The following NAA16 variants were observed in gnomAD, a reference collection of about 807,000 sequenced individuals.
NAA16 encodes the protein N-alpha-acetyltransferase 16, NatA auxiliary subunit.
In NAA16, 97 loss-of-function variants were observed where a neutral mutation model predicts 110.3. That is an observed-to-expected ratio of 0.88 (90% CI 0.75 to 1.04). The LOEUF is 1.04. NAA16 is among the 50% of genes least tolerant of loss of function. The pLI is 0.00. For missense variants in NAA16, 1,017 were observed against 1,005.1 expected, an observed-to-expected ratio of 1.01 and a Z score of -0.16; for synonymous variants, 372 against 330.6, an observed-to-expected ratio of 1.13 and a Z score of -1.36.
At chr13:41,366,000 A>G (rs1053504224) in intron 13 of NAA16, among the ~76,000 whole-genome samples, 1 of 152,176 alleles carries the variant, frequency 6.6e-6, no homozygotes, top group East Asian at 1.9e-4. Context: ...TTGAATTTTT[A>G]AAATATTCTT....
chr13:41,369,660 G>T (rs1364130696), intron 15 of NAA16, among the ~76,000 whole-genome samples: 1 of 152,164 alleles, frequency 6.6e-6, no homozygotes, highest in African/African-American at 2.4e-5. Context: ...GTCAAAAGGG[G>T]CCTTAAAAGT....
At chr13:41,341,738 C>T in intron 9 of NAA16, among the ~76,000 whole-genome samples, 1 of 152,120 alleles carries the variant, frequency 6.6e-6, no homozygotes, top group East Asian at 1.9e-4. Context: ...AAGAACATCT[C>T]CTACTTTTAG....
chr13:41,328,920 G>A (rs2042163229), intron 7 of NAA16, 77 bp downstream of exon 7: 17 of 1,268,522 alleles, frequency 1.3e-5, no homozygotes, highest in African/African-American at 3.0e-5. Flanking sequence ...AATAATACTT[G>A]GGAACAAATA....
In NAA16 at chr13:41,318,907, G is replaced by GT. The variant is rs2041876141; in HGVS notation, c.242dup (p.Cys82LeufsTer12). On this transcript the variant is annotated frameshift_variant, in exon 3 of 20. Transcript: ENST00000379406. LOFTEE classifies it high-confidence loss of function. ...ACTTCGTAATGATGTCAAGAGTCAT[G>GT]TCTGTATCCTTTTGCAGTAGTTAAA... The GT allele has an allele frequency of 4.5e-6, 7 of 1,558,268 alleles. No individual in the cohort carries two copies. Among genetic ancestry groups the GT allele is most frequent in the Non-Finnish European group, 6.1e-6 (7 of 1,149,860 alleles).
chr13:41,317,384 T>C lies in NAA16; in HGVS notation c.139+454T>C, dbSNP rs528818787. On this transcript the variant is annotated intron_variant, in intron 2 of 19. Transcript: ENST00000379406. ...GACGTTTACATATGATATTACTAAT[T>C]TACCATTAGATTGTATATTTTGAGT... 4.2e-4 allele frequency among the ~76,000 whole-genome samples: 64 copies of C among 152,314 alleles called. No homozygotes were observed. The South Asian group carries it at 4.6e-3, about 11-fold the overall frequency.
At chr13:41,365,110 G>T (rs1465619907) in intron 13 of NAA16, among the ~76,000 whole-genome samples, 1 of 152,102 alleles carries the variant, frequency 6.6e-6, no homozygotes, top group Non-Finnish European at 1.5e-5. Flanking sequence ...AGTGATTTTT[G>T]TCATGCTCTT....
intron 6 of NAA16, 71 bp from the exon 7 acceptor site, chr13:41,328,653 T>A: frequency 1.6e-6 from 2 of 1,271,886 alleles, no homozygotes; most frequent in South Asian, 2.6e-5. Context: ...ACTGATAATG[T>A]TTAGTGAAGT....
At chr13:41,316,814 A>G in intron 1 of NAA16, 32 bp from the exon 2 acceptor site, 2 of 1,450,258 alleles carry the variant, frequency 1.4e-6, no homozygotes, top group Non-Finnish European at 1.9e-6. Flanking sequence ...TATTCATTTG[A>G]TAAAATAACT....
At chr13:41,330,179 T>C (rs781140484) in intron 7 of NAA16, among the ~76,000 whole-genome samples, 2 of 150,938 alleles carry the variant, frequency 1.3e-5, no homozygotes, top group Non-Finnish European at 3.0e-5. Context: ...GAGAGCGAGG[T>C]TTTTTTTTGT....
chr13:41,318,387 A>G (rs116442231), intron 2 of NAA16, among the ~76,000 whole-genome samples: 66 of 152,118 alleles, frequency 4.3e-4, no homozygotes, highest in African/African-American at 1.5e-3. Flanking sequence ...TGTTTAGTAG[A>G]GACGGGGTTT....
chr13:41,345,521 A>G (rs1330766345), intron 9 of NAA16, among the ~76,000 whole-genome samples: 3 of 151,700 alleles, frequency 2.0e-5, no homozygotes, highest in African/African-American at 7.3e-5. Context: ...AGATTGGGTT[A>G]TTTCTCTTTT....
Position 41,328,786 on chromosome 13 carries a change from G to T in NAA16, c.754G>T (p.Asp252Tyr). 6.2e-7 allele frequency: 1 copy of T among 1,607,272 alleles called. No individual in the cohort carries two copies. The highest frequency in any genetic ancestry group is 1.1e-5 in the South Asian group (1 of 90,752). The change falls in exon 7 of 20, where the codon GAT becomes TAT. Residue 252 changes from aspartate to tyrosine, a missense_variant. By Grantham distance (160) the Asp-to-Tyr change is radical. Transcript: ENST00000379406. ...EASEVFKNLI[D>Y]RNAENWCYYE... ...CAGTGAAGTGTTCAAAAACTTGATT[G>T]ATCGAAATGCAGAAAATTGGTGTTA...
At position 41,356,717 on chromosome 13, in the gene NAA16, C is replaced by T. The variant is rs183732133; in HGVS notation, c.1087+1501C>T. Among the ~76,000 whole-genome samples, 53 of 152,234 alleles carry T rather than the reference C, an allele frequency of 3.5e-4. 1 individual carries two copies. Among genetic ancestry groups the T allele is most frequent in the East Asian group, 3.5e-3 (18 of 5,192 alleles). On this transcript the variant is annotated intron_variant, in intron 10 of 19. Transcript: ENST00000379406. ...ATTATTTTAATCTAGAACAATAACTCTCCCCTCCCTTTCAAAAAAACAGTC... is the reference window on the plus strand; with the variant it reads ...ATTATTTTAATCTAGAACAATAACTTTCCCCTCCCTTTCAAAAAAACAGTC...
intron 9 of NAA16, among the ~76,000 whole-genome samples, chr13:41,348,433 G>C (rs986961984): frequency 1.3e-5 from 2 of 152,128 alleles, no homozygotes; most frequent in Non-Finnish European, 2.9e-5. Flanking sequence ...AAAGTGCTGG[G>C]ATTACAGGTG....
chr13:41,367,259 G>A (rs2043223985), intron 13 of NAA16, among the ~76,000 whole-genome samples, 180 bp from the exon 14 acceptor site: 1 of 152,066 alleles, frequency 6.6e-6, no homozygotes. Flanking sequence ...GGAAGAGAAA[G>A]TTCAAGTTGA....
chr13:41,351,762 A>C (rs988702697), intron 9 of NAA16, among the ~76,000 whole-genome samples: 2 of 81,690 alleles, frequency 2.4e-5, no homozygotes, highest in African/African-American at 1.1e-4. Flanking sequence ...AATTTTTCAC[A>C]TTGTAAGAAA....
chr13:41,361,241 T>A (rs1019271731), intron 12 of NAA16, among the ~76,000 whole-genome samples: 1 of 152,132 alleles, frequency 6.6e-6, no homozygotes, highest in Non-Finnish European at 1.5e-5. Flanking sequence ...GTCAGCCCAC[T>A]GCAAAGGAGA....
At chr13:41,316,532 T>G (rs1459312779) in intron 1 of NAA16, among the ~76,000 whole-genome samples, 1 of 152,148 alleles carries the variant, frequency 6.6e-6, no homozygotes, top group Non-Finnish European at 1.5e-5. Flanking sequence ...CTCGAACTCC[T>G]GAGCTCAAGC....
chr13:41,368,021 G>A (rs978358179), intron 14 of NAA16, among the ~76,000 whole-genome samples: 2 of 152,142 alleles, frequency 1.3e-5, no homozygotes, highest in Admixed American at 1.3e-4. Context: ...AACATAGCAT[G>A]ACCCCTGTCG....
Sources: gnomAD v4.1 joint callset for allele counts (sites outside exome capture counted in the v4.1 genomes callset) on GRCh38, gnomAD v4.1.1 for gene constraint, MANE v1.5 for transcripts, NCBI Gene and HGNC (gene_info 2026-07-23, HGNC 2026-07-21) for gene names.